The following AK8 variants were observed in gnomAD, a reference collection of about 807,000 sequenced individuals.
AK8 encodes adenylate kinase 8.
Under a neutral mutation model 54.6 loss-of-function variants are expected in AK8, and 44 were observed. The observed-to-expected ratio is 0.81, with a 90% CI of 0.63 to 1.04. The LOEUF is 1.04. Ranked by LOEUF, AK8 falls within the 50% of genes least tolerant of loss-of-function variation. The pLI is 0.00. For synonymous variants in AK8, 239 were observed against 245.6 expected (o/e 0.97, Z 0.25); for missense variants, 555 against 613.6 (o/e 0.90, Z 1.01).
At chr9:132,740,796 T>C (rs894974271) in intron 11 of AK8, among the ~76,000 whole-genome samples, 1 of 152,180 alleles carries the variant, frequency 6.6e-6, no homozygotes, top group African/African-American at 2.4e-5. Context: ...GAAAGTACAG[T>C]TGATGAACGG....
At chr9:132,853,045 T>A (rs560298170) in intron 5 of AK8, among the ~76,000 whole-genome samples, 2 of 151,752 alleles carry the variant, frequency 1.3e-5, no homozygotes, top group African/African-American at 2.4e-5. Flanking sequence ...CCCAGACATG[T>A]CATAATTATA....
intron 8 of AK8, among the ~76,000 whole-genome samples, 167 bp from the exon 9 acceptor site, chr9:132,823,503 T>C (rs1841742831): frequency 6.6e-6 from 1 of 152,198 alleles, no homozygotes; most frequent in East Asian, 1.9e-4. Context: ...AAGAATTACG[T>C]GGCAGGCCTG....
At chr9:132,824,393 T>A (rs891417813) in intron 8 of AK8, among the ~76,000 whole-genome samples, 13 of 152,216 alleles carry the variant, frequency 8.5e-5, no homozygotes, top group African/African-American at 3.1e-4. Flanking sequence ...CCTTTACCAA[T>A]GTGCCTTGCG....
chr9:132,802,647 C>T (rs1221264977), intron 10 of AK8, among the ~76,000 whole-genome samples: 1 of 152,232 alleles, frequency 6.6e-6, no homozygotes, highest in African/African-American at 2.4e-5. Flanking sequence ...AAGAATCCGT[C>T]TTGGACACAC....
intron 11 of AK8, among the ~76,000 whole-genome samples, chr9:132,780,124 G>A (rs1253114547): frequency 2.6e-5 from 4 of 152,168 alleles, no homozygotes; most frequent in Non-Finnish European, 5.9e-5. Flanking sequence ...ACGTGATCTG[G>A]GAACAAAGTG....
intron 11 of AK8, 146 bp downstream of exon 11, chr9:132,792,488 G>A: frequency 8.3e-7 from 1 of 1,201,430 alleles, no homozygotes. Context: ...CGGGCAGATG[G>A]GATGGGTGGG....
upstream of AK8, chr9:132,878,685 G>C: frequency 6.0e-6 from 6 of 992,806 alleles, no homozygotes; most frequent in Non-Finnish European, 6.0e-6. This position sits in a 1 kb window ranked among gnomAD's most constrained non-coding sequence, Gnocchi z 4.7. Flanking sequence ...ATGTGGGGGA[G>C]GGTGTTTGAA....
At chr9:132,761,269 C>CTTTT (rs534596980) in intron 11 of AK8, among the ~76,000 whole-genome samples, 2 of 125,658 alleles carry the variant, frequency 1.6e-5, no homozygotes, top group Non-Finnish European at 3.2e-5. Context: ...CTTTTCTTTT[C>CTTTT]TTTTTTTTTT....
chr9:132,736,037 G>T (rs757616123), intron 11 of AK8, among the ~76,000 whole-genome samples: 1 of 152,210 alleles, frequency 6.6e-6, no homozygotes, highest in Admixed American at 6.5e-5. Context: ...GTAAGTACTT[G>T]TGTATCCACA....
chr9:132,792,455 C>T (rs992190029), intron 11 of AK8, among the ~76,000 whole-genome samples, 179 bp downstream of exon 11: 6 of 152,208 alleles, frequency 3.9e-5, no homozygotes, highest in African/African-American at 1.4e-4. Context: ...AGGATTTGAA[C>T]CCAAGCCTGA....
rs1329824833 is a variant in AK8, at chr9:132,725,893, A to G, written c.1235T>C (p.Met412Thr). 5 of 1,611,958 alleles carry G rather than the reference A, an allele frequency of 3.1e-6. No individual in the cohort carries two copies. The highest frequency in any genetic ancestry group is 1.1e-5 in the South Asian group (1 of 90,390). Residue 412 changes from methionine to threonine, a missense_variant, in exon 13 of 13, where the codon ATG becomes ACG. Met to Thr is a moderately conservative substitution (Grantham distance 81). Coordinates refer to ENST00000298545, the MANE Select transcript of AK8 (RefSeq NM_152572.3). The part of the protein sequence containing the change: ...YHLMYKPPPT[M>T]EIQARLLQNP... Reference sequence around the variant, plus strand: ...CTGCAGGAGGCGAGCCTGGATCTCCATGGTGGGAGGTGGCTTGTACATGAG... The same window carrying G: ...CTGCAGGAGGCGAGCCTGGATCTCCGTGGTGGGAGGTGGCTTGTACATGAG...
intron 11 of AK8, among the ~76,000 whole-genome samples, chr9:132,752,491 T>C (rs1019215344): frequency 1.3e-5 from 2 of 152,152 alleles, no homozygotes; most frequent in East Asian, 1.9e-4. Flanking sequence ...CCTCGTGATC[T>C]GCCCGCCTCA....
At chr9:132,760,055 C>T (rs540346358) in intron 11 of AK8, among the ~76,000 whole-genome samples, 20 of 152,312 alleles carry the variant, frequency 1.3e-4, no homozygotes, top group Admixed American at 2.6e-4. Context: ...TAACCATGAA[C>T]GAGACATTGC....
intron 11 of AK8, 24 bp downstream of exon 11, chr9:132,792,610 G>T (rs1396416893): frequency 6.5e-7 from 1 of 1,547,098 alleles, no homozygotes; most frequent in East Asian, 2.4e-5. Flanking sequence ...GGCCAGGGCT[G>T]CTGGCTTGGC....
intron 11 of AK8, among the ~76,000 whole-genome samples, chr9:132,748,415 C>T (rs76828694): frequency 0.05 from 7,611 of 152,040 alleles, 410 homozygotes; most frequent in Non-Finnish European, 0.077. Flanking sequence ...AAGAGTGGGA[C>T]GACCTTTCAC....
intron 11 of AK8, among the ~76,000 whole-genome samples, chr9:132,773,810 A>G (rs59266339): frequency 0.053 from 8,107 of 152,256 alleles, 695 homozygotes; most frequent in African/African-American, 0.18. Context: ...GCAGGGCAAG[A>G]AGAGGCATCA....
intron 11 of AK8, among the ~76,000 whole-genome samples, chr9:132,786,660 C>A (rs1839720451): frequency 6.6e-6 from 1 of 152,180 alleles, no homozygotes; most frequent in Non-Finnish European, 1.5e-5. Context: ...GAAGACTAAA[C>A]CTGTGGGCTC....
At chr9:132,782,183 C>T (rs989852769) in intron 11 of AK8, among the ~76,000 whole-genome samples, 2 of 152,070 alleles carry the variant, frequency 1.3e-5, no homozygotes, top group Non-Finnish European at 2.9e-5. Flanking sequence ...TTGAATATTC[C>T]TCCTGTGTGC....
At chr9:132,876,502 C>A (rs1454707170) in intron 1 of AK8, among the ~76,000 whole-genome samples, 1 of 152,134 alleles carries the variant, frequency 6.6e-6, no homozygotes, top group Non-Finnish European at 1.5e-5. Context: ...TGTGATACAA[C>A]TGCACAGAAC....
Sources: allele counts gnomAD v4.1 joint callset (sites outside exome capture counted in the v4.1 genomes callset), GRCh38; gene constraint gnomAD v4.1.1; non-coding constraint Gnocchi (gnomAD v3.1); transcripts MANE v1.5; gene names NCBI Gene and HGNC (gene_info 2026-07-23, HGNC 2026-07-21).